The following FSIP1 variants were observed in gnomAD, a reference collection of about 807,000 sequenced individuals.
FSIP1 encodes the protein fibrous sheath interacting protein 1, also known as fibrous sheath-interacting protein 1.
In FSIP1, 65 loss-of-function variants were observed where a neutral mutation model predicts 60.9. That is an observed-to-expected ratio of 1.07 (90% CI 0.87 to 1.31). The LOEUF is 1.31. Ranked by LOEUF, FSIP1 falls within the 40% of genes most tolerant of loss-of-function variation. FSIP1 has a pLI of 0.00. For missense variants in FSIP1, 675 were observed against 665.5 expected (o/e 1.01, Z -0.16); for synonymous variants, 209 against 221.2 (o/e 0.94, Z 0.49).
chr15:39,770,313 T>G, intron 3 of FSIP1, 114 bp downstream of exon 3: 1 of 745,188 alleles, frequency 1.3e-6, no homozygotes, highest in African/African-American at 1.8e-5. Flanking sequence ...TTTGGTTTAT[T>G]ATTTATATTT....
At chr15:39,683,397 A>G (rs1894241937) in intron 10 of FSIP1, among the ~76,000 whole-genome samples, 1 of 152,196 alleles carries the variant, frequency 6.6e-6, no homozygotes, top group Admixed American at 6.5e-5. Context: ...TGATTTAAAA[A>G]AAAAAACTCT....
chr15:39,687,130 T>C (rs1894403856), intron 10 of FSIP1, among the ~76,000 whole-genome samples: 1 of 136,016 alleles, frequency 7.4e-6, no homozygotes, highest in Non-Finnish European at 1.6e-5. Context: ...TTCTTTCTTT[T>C]CTTTTCCTTT....
chr15:39,762,494 T>A (rs1165386958), intron 5 of FSIP1, among the ~76,000 whole-genome samples: 1 of 152,190 alleles, frequency 6.6e-6, no homozygotes, highest in African/African-American at 2.4e-5. Flanking sequence ...TAAAGACACA[T>A]TCCAATGTTC....
intron 10 of FSIP1, among the ~76,000 whole-genome samples, chr15:39,675,532 C>A (rs953504083): frequency 1.3e-5 from 2 of 152,122 alleles, no homozygotes; most frequent in African/African-American, 4.8e-5. Flanking sequence ...TGCACCACTG[C>A]ATACAAAAAT....
intron 6 of FSIP1, among the ~76,000 whole-genome samples, chr15:39,739,999 A>T (rs1274954016): frequency 6.6e-6 from 1 of 152,228 alleles, no homozygotes; most frequent in African/African-American, 2.4e-5. Context: ...AGTTCTCATA[A>T]AACTTCTTGT....
intron 6 of FSIP1, among the ~76,000 whole-genome samples, chr15:39,741,377 T>C (rs1261445343): frequency 1.3e-5 from 2 of 152,206 alleles, no homozygotes; most frequent in Non-Finnish European, 2.9e-5. Flanking sequence ...GTTGGACAAG[T>C]TGGTTGAGCC....
chr15:39,629,946 G>C (rs913785694), intron 10 of FSIP1, among the ~76,000 whole-genome samples: 3 of 152,204 alleles, frequency 2.0e-5, no homozygotes, highest in African/African-American at 7.2e-5. Flanking sequence ...TATAAATCTA[G>C]TGCCATACAG....
intron 8 of FSIP1, among the ~76,000 whole-genome samples, chr15:39,730,178 T>C (rs916444795): frequency 1.3e-5 from 2 of 152,134 alleles, no homozygotes; most frequent in Admixed American, 1.3e-4. Flanking sequence ...CTAGGGATTC[T>C]ATAGATGAAG....
chr15:39,704,172 C>T (rs1453624509), intron 10 of FSIP1, among the ~76,000 whole-genome samples: 8 of 152,166 alleles, frequency 5.3e-5, no homozygotes, highest in African/African-American at 1.9e-4. Flanking sequence ...ACAGAAAGAA[C>T]AAAAGTTGTA....
intron 10 of FSIP1, among the ~76,000 whole-genome samples, chr15:39,666,969 T>C (rs930423926): frequency 2.0e-5 from 3 of 152,198 alleles, no homozygotes; most frequent in African/African-American, 7.2e-5. Flanking sequence ...AAGCAAACTC[T>C]AGAGATTACC....
At chr15:39,692,981 T>C (rs1894665524) in intron 10 of FSIP1, among the ~76,000 whole-genome samples, 1 of 152,204 alleles carries the variant, frequency 6.6e-6, no homozygotes, top group African/African-American at 2.4e-5. Context: ...TCCGCTCACT[T>C]CCCAGCTTAA....
intron 10 of FSIP1, among the ~76,000 whole-genome samples, chr15:39,650,482 AC>A (rs1167412356): frequency 1.3e-5 from 2 of 152,226 alleles, no homozygotes; most frequent in Non-Finnish European, 2.9e-5. Context: ...TAAAGAGTAA[AC>A]CAAAAAATAC....
Position 39,713,460 on chromosome 15 carries a change from AT to A in FSIP1, c.1171del (p.Met391Ter). 2 of 1,592,428 alleles carry A rather than the reference AT, an allele frequency of 1.3e-6. No homozygotes were observed. Among genetic ancestry groups the A allele is most frequent in the Admixed American group, 1.8e-5 (1 of 54,908 alleles). The stretch of plus-strand genomic sequence containing the variant: ...AAGACTTACCACATTTTCCTTCATC[AT>A]TTTCAGCTTTTCATCAATCTCTCTC... ...RLREIDEKLK[M>X]MKENVLESTS... is the part of the protein sequence containing the mutation. On this transcript the variant is annotated frameshift_variant, in exon 10 of 12. Coordinates refer to ENST00000350221, the MANE Select transcript of FSIP1 (RefSeq NM_152597.5). LOFTEE classifies it high-confidence loss of function.
At chr15:39,672,153 C>T (rs1893745433) in intron 10 of FSIP1, among the ~76,000 whole-genome samples, 1 of 152,206 alleles carries the variant, frequency 6.6e-6, no homozygotes, top group Non-Finnish European at 1.5e-5. Context: ...TGACACTGGG[C>T]TAGTTGCTGA....
intron 7 of FSIP1, among the ~76,000 whole-genome samples, chr15:39,738,681 A>G (rs1896700733): frequency 6.6e-6 from 1 of 150,496 alleles, no homozygotes; most frequent in South Asian, 2.1e-4. Flanking sequence ...CTGTGTTAGC[A>G]AGAACCTGGA....
intron 2 of FSIP1, among the ~76,000 whole-genome samples, chr15:39,775,875 T>C (rs1343873252): frequency 6.6e-6 from 1 of 152,062 alleles, no homozygotes; most frequent in Non-Finnish European, 1.5e-5. Context: ...GGTAGTTCTT[T>C]TATAGCAATG....
At chr15:39,712,349 T>C (rs1895551826) in intron 10 of FSIP1, among the ~76,000 whole-genome samples, 1 of 152,066 alleles carries the variant, frequency 6.6e-6, no homozygotes, top group South Asian at 2.1e-4. Flanking sequence ...TGGTGCAGCA[T>C]ATTAAGTGGA....
At chr15:39,648,168 TAAA>T (rs59445778) in intron 10 of FSIP1, among the ~76,000 whole-genome samples, 55 of 74,866 alleles carry the variant, frequency 7.3e-4, no homozygotes, top group African/African-American at 1.9e-3. Flanking sequence ...TAAAGTATAA[TAAA>T]AAAAAAAAGA....
At chr15:39,742,321 G>T (rs1566910112) in intron 5 of FSIP1, among the ~76,000 whole-genome samples, 1 of 152,178 alleles carries the variant, frequency 6.6e-6, no homozygotes, top group South Asian at 2.1e-4. Context: ...TATGCGATCA[G>T]TCATTAAGAT....
Sources: gnomAD v4.1 joint callset for allele counts (sites outside exome capture counted in the v4.1 genomes callset) on GRCh38, gnomAD v4.1.1 for gene constraint, MANE v1.5 for transcripts, NCBI Gene and HGNC (gene_info 2026-07-23, HGNC 2026-07-21) for gene names.